The following LPXN variants were observed in gnomAD, a reference collection of about 807,000 sequenced individuals.
The protein encoded by LPXN is leupaxin.
In LPXN, 28 loss-of-function variants were observed where a neutral mutation model predicts 45.6. That is an observed-to-expected ratio of 0.61 (90% CI 0.45 to 0.84). LPXN has a LOEUF of 0.84. Ranked by LOEUF, LPXN falls within the 40% of genes least tolerant of loss-of-function variation. LPXN has a pLI of 0.00. For synonymous variants in LPXN, 166 were observed against 169.9 expected (o/e 0.98, Z 0.18); for missense variants, 459 against 475.0 (o/e 0.97, Z 0.31).
chr11:58,550,001 C>G lies in LPXN; in HGVS notation c.632G>C (p.Cys211Ser). ...NDYHQLFSPR[C>S]AYCAAPILDK... is the part of the protein sequence containing the mutation. ...CAGGATGGGAGCAGCGCAGTAAGCA[C>G]AGCGTGGAGAAAAAAGTTGGTGGTA... Residue 211 changes from cysteine to serine, a missense_variant, in exon 6 of 9, where the codon TGT (cysteine) becomes TCT (serine). Coordinates refer to ENST00000395074, the MANE Select transcript of LPXN (RefSeq NM_004811.3). 1 of 1,614,186 alleles carries G rather than the reference C, an allele frequency of 6.2e-7. No homozygotes were observed. The highest frequency in any genetic ancestry group is 8.5e-7 in the Non-Finnish European group (1 of 1,180,042).
chr11:58,543,155 A>C (rs1189916334), intron 7 of LPXN, among the ~76,000 whole-genome samples: 3 of 152,144 alleles, frequency 2.0e-5, no homozygotes, highest in Non-Finnish European at 4.4e-5. Context: ...TAGTTTGATT[A>C]CTGTTTGTCT....
At chr11:58,550,243 C>A in intron 5 of LPXN, 97 bp from the exon 6 acceptor site, 1 of 1,140,446 alleles carries the variant, frequency 8.8e-7, no homozygotes, top group Non-Finnish European at 1.3e-6. Context: ...CATTGTACCC[C>A]TTGTAGACAA....
In LPXN at chr11:58,570,556, C is replaced by T. The variant is rs537931548; in HGVS notation, c.171G>A (p.Pro57=). The change falls in exon 2 of 9, where the codon CCG becomes CCA. Residue 57 remains proline, a splice_region_variant and synonymous_variant. Transcript: ENST00000395074. ...AGGACTATAATAAATGAAAATTTAC[C>T]GGCAAGGGACTTGTGTTATCCTGAA... ...LSIQDNTSPL[P]AQLVYTTNIQ... is the part of the protein sequence containing the mutation. 2.4e-5 allele frequency: 38 copies of T among 1,602,726 alleles called. No individual in the cohort carries two copies. Among genetic ancestry groups the T allele is most frequent in the Admixed American group, 1.7e-4 (10 of 59,330 alleles).
At chr11:58,538,083 C>G (rs950538663) in intron 7 of LPXN, among the ~76,000 whole-genome samples, 2 of 151,930 alleles carry the variant, frequency 1.3e-5, no homozygotes, top group Admixed American at 6.6e-5. Flanking sequence ...TCATCCATGT[C>G]CCTACAAAGG....
chr11:58,534,248 T>C (rs1444306841), intron 7 of LPXN, among the ~76,000 whole-genome samples: 1 of 152,230 alleles, frequency 6.6e-6, no homozygotes, highest in African/African-American at 2.4e-5. Context: ...ATCATATTTA[T>C]TCTAAAATCG....
At chr11:58,559,310 T>C (rs989887345) in intron 3 of LPXN, among the ~76,000 whole-genome samples, 4 of 152,102 alleles carry the variant, frequency 2.6e-5, no homozygotes, top group Non-Finnish European at 5.9e-5. Flanking sequence ...CAGACACATA[T>C]ACCACTTGAT....
At chr11:58,562,793 G>A (rs1462816373) in intron 3 of LPXN, among the ~76,000 whole-genome samples, 1 of 126,296 alleles carries the variant, frequency 7.9e-6, no homozygotes, top group Non-Finnish European at 1.7e-5. Context: ...CAGAGATCCT[G>A]TGGAAATAGA....
At chr11:58,550,300 C>T (rs1189743358) in intron 5 of LPXN, among the ~76,000 whole-genome samples, 154 bp from the exon 6 acceptor site, 1 of 152,208 alleles carries the variant, frequency 6.6e-6, no homozygotes, top group East Asian at 1.9e-4. Context: ...TAGGTTCCAC[C>T]TAAGGCCATC....
chr11:58,572,046 C>G (rs1854719771), intron 1 of LPXN, among the ~76,000 whole-genome samples: 2 of 152,116 alleles, frequency 1.3e-5, no homozygotes, highest in African/African-American at 4.8e-5. Flanking sequence ...TTGATTAGAA[C>G]AGTATTTTTC....
At chr11:58,550,986 T>C (rs1253615947) in intron 5 of LPXN, 79 bp downstream of exon 5, 1 of 1,330,094 alleles carries the variant, frequency 7.5e-7, no homozygotes, top group Non-Finnish European at 1.0e-6. Context: ...TATCTTAAAA[T>C]ATAAGGGGAA....
intron 3 of LPXN, among the ~76,000 whole-genome samples, chr11:58,557,407 T>A (rs556711147): frequency 6.6e-6 from 1 of 152,306 alleles, no homozygotes; most frequent in South Asian, 2.1e-4. Flanking sequence ...CTGCTATTTG[T>A]CATAGCATTG....
intron 3 of LPXN, among the ~76,000 whole-genome samples, chr11:58,557,773 C>G (rs530549156): frequency 1.3e-5 from 2 of 152,102 alleles, no homozygotes; most frequent in African/African-American, 4.8e-5. Context: ...ATTTGCCTCA[C>G]TATAGTAACC....
At chr11:58,563,724 A>T (rs952821058) in intron 3 of LPXN, among the ~76,000 whole-genome samples, 6 of 152,242 alleles carry the variant, frequency 3.9e-5, no homozygotes, top group African/African-American at 1.2e-4. Flanking sequence ...GGAAAGAAAA[A>T]GTAAATACTC....
intron 2 of LPXN, among the ~76,000 whole-genome samples, 166 bp from the exon 3 acceptor site, chr11:58,564,367 A>G (rs547504096): frequency 1.3e-5 from 2 of 152,316 alleles, no homozygotes; most frequent in East Asian, 3.9e-4. Context: ...ATTACCAGCC[A>G]TCCCACAAAG....
intron 4 of LPXN, among the ~76,000 whole-genome samples, chr11:58,551,775 G>A (rs1419999366): frequency 6.6e-6 from 1 of 152,220 alleles, no homozygotes; most frequent in Non-Finnish European, 1.5e-5. Context: ...CAGCAAGATG[G>A]TAAGAAGAAT....
intron 1 of LPXN, 64 bp downstream of exon 1, chr11:58,575,696 C>T (rs1378402405): frequency 1.9e-6 from 3 of 1,581,472 alleles, no homozygotes; most frequent in Non-Finnish European, 2.6e-6. Flanking sequence ...TATACCCCAC[C>T]ACACAAGGAG....
At chr11:58,531,597 G>C (rs1853388126) in intron 7 of LPXN, among the ~76,000 whole-genome samples, 1 of 152,156 alleles carries the variant, frequency 6.6e-6, no homozygotes, top group Non-Finnish European at 1.5e-5. Flanking sequence ...GTACCTGAAA[G>C]TTATGGGGAG....
chr11:58,564,991 G>A (rs1349273053), intron 2 of LPXN, among the ~76,000 whole-genome samples: 1 of 152,134 alleles, frequency 6.6e-6, no homozygotes, highest in East Asian at 1.9e-4. Context: ...GGAGAGTGTG[G>A]CCTGAGCAGA....
chr11:58,552,589 C>G (rs1025008673), intron 4 of LPXN, among the ~76,000 whole-genome samples: 1 of 152,188 alleles, frequency 6.6e-6, no homozygotes, highest in Non-Finnish European at 1.5e-5. Flanking sequence ...TCTTCATCTC[C>G]TGAATGTGAT....
Sources: gnomAD v4.1 joint callset for allele counts (sites outside exome capture counted in the v4.1 genomes callset) on GRCh38, gnomAD v4.1.1 for gene constraint, MANE v1.5 for transcripts, NCBI Gene and HGNC (gene_info 2026-07-23, HGNC 2026-07-21) for gene names.